The following CHRNA4 variants were observed in gnomAD, a reference collection of about 807,000 sequenced individuals.
CHRNA4 encodes neuronal acetylcholine receptor subunit alpha-4.
CHRNA4 carries 28 observed loss-of-function variants against 48.9 expected under a neutral mutation model. The ratio of observed to expected loss-of-function variants is 0.57; its 90% CI spans 0.42 to 0.79. The LOEUF is 0.79. Among genes scored for constraint, CHRNA4 ranks in the 30% least tolerant of loss-of-function variants. The pLI is 0.00. For synonymous variants in CHRNA4, 425 were observed against 402.3 expected, an observed-to-expected ratio of 1.06 and a Z score of -0.68; for missense variants, 859 against 898.4, an observed-to-expected ratio of 0.96 and a Z score of 0.56.
rs1047761205 is a variant in CHRNA4 at position 63,343,311 on chromosome 20, C to T, written c.*3427G>A. 1.3e-5 allele frequency: 6 copies of T among 446,574 alleles called. No individual in the cohort carries two copies. The highest frequency in any genetic ancestry group is 7.0e-4 in the Middle Eastern group (1 of 1,426). 27.7% of individuals were successfully genotyped at this position (446,574 alleles called of 1,614,324 possible). On this transcript the variant is annotated 3_prime_UTR_variant, in exon 6 of 6. Coordinates refer to ENST00000370263, the MANE Select transcript of CHRNA4 (RefSeq NM_000744.7). Reference sequence around the variant, plus strand: ...GCAGACATTGCCTGCAGAAGCCGGGCGGCCGCACCTGGGCTCGGCGGGCCA... The same window carrying T: ...GCAGACATTGCCTGCAGAAGCCGGGTGGCCGCACCTGGGCTCGGCGGGCCA...
rs200975456 is a variant in CHRNA4 at position 63,344,984 on chromosome 20, C to G, written c.*1754G>C. On this transcript the variant is annotated 3_prime_UTR_variant, in exon 6 of 6. Transcript: ENST00000370263. The surrounding 1 kb of genome is among the most constrained non-coding windows in gnomAD (Gnocchi z 4.5). ...CCCACTCCTGGCACAAAAGCCCCAG[C>G]CTCAGGACCCCGGTCACAGGCACCC... 1 of 429,936 alleles carries G rather than the reference C, an allele frequency of 2.3e-6. No homozygotes were observed. The highest frequency in any genetic ancestry group is 2.4e-5 in the Admixed American group (1 of 41,442). The allele number at this position is 429,936 out of a possible 1,614,324, so 26.6% of individuals were successfully genotyped here. A position where few individuals can be genotyped will look rare whatever the true frequency, so the allele number is the denominator to read the frequency against.
intron 2 of CHRNA4, among the ~76,000 whole-genome samples, chr20:63,358,436 C>T (rs533767879): frequency 3.3e-5 from 5 of 152,338 alleles, no homozygotes; most frequent in South Asian, 4.1e-4. Flanking sequence ...TCCCGCAACC[C>T]GGTGGCTCCT....
rs865809841 is a variant in CHRNA4 at position 63,347,657 on chromosome 20, T to A, written c.1759-794A>T. 7.2e-5 allele frequency among the ~76,000 whole-genome samples: 11 copies of A among 152,314 alleles called. No homozygotes were observed. In the South Asian group the frequency reaches 1.9e-3, roughly 26 times the overall value. On this transcript the variant is annotated intron_variant, in intron 5 of 5. Transcript: ENST00000370263. ...CCAAGGCACTCATGCCGCTGGCCAC[T>A]GCCCTCGCCCCGGCTCCCCCGTCCC...
Position 63,346,842 on chromosome 20 carries a change from C to A in CHRNA4, c.1780G>T (p.Val594Leu), listed in dbSNP as rs370887602. Residue 594 changes from valine to leucine, a missense_variant, in exon 6 of 6, where the codon GTG becomes TTG. Physicochemically the swap from Val to Leu is conservative, Grantham distance 32 (BLOSUM62 1). Around this residue, in one of 3 missense-constraint regions of CHRNA4, gnomAD observed 478 missense variants for 455.4 expected, o/e 1.05. Transcript: ENST00000370263. Reference protein sequence around the residue: ...DFSVKEDWKYVAMVIDRIFLW... With the variant: ...DFSVKEDWKYLAMVIDRIFLW... Reference sequence around the variant, plus strand: ...AAGATGCGGTCGATGACCATGGCCACGTACTTCCAGTCCTCCTTCACCTGC... The same window carrying A: ...AAGATGCGGTCGATGACCATGGCCAAGTACTTCCAGTCCTCCTTCACCTGC... 1.2e-6 allele frequency: 2 copies of A among 1,612,606 alleles called. No individual in the cohort carries two copies. Among genetic ancestry groups the A allele is most frequent in the African/African-American group, 2.7e-5 (2 of 75,030 alleles).
In CHRNA4 at chr20:63,350,570, C is replaced by T. The variant is rs764238999; in HGVS notation, c.841G>A (p.Val281Met). 9 of 1,613,740 alleles carry T rather than the reference C, an allele frequency of 5.6e-6. No homozygotes were observed. Among genetic ancestry groups the T allele is most frequent in the South Asian group, 2.2e-5 (2 of 91,062 alleles). Reference protein sequence around the residue: ...CGEKITLCISVLLSLTVFLLL... With the variant: ...CGEKITLCISMLLSLTVFLLL... ...AGGAAGACGGTGAGCGACAGCAGCA[C>T]GGAGATGCACAGCGTGATCTTCTCG... The change falls in exon 5 of 6, where the codon GTG (valine) becomes ATG (methionine). Residue 281 changes from valine to methionine, a missense_variant. By Grantham distance (21) the Val-to-Met change is conservative. Around this residue, in one of 3 missense-constraint regions of CHRNA4, gnomAD observed 39 missense variants for 77.7 expected, o/e 0.50. Transcript: ENST00000370263.
chr20:63,353,858 G>A (rs1601485189), intron 4 of CHRNA4, among the ~76,000 whole-genome samples: 1 of 92,716 alleles, frequency 1.1e-5, no homozygotes, highest in Non-Finnish European at 2.1e-5. Flanking sequence ...CCTCGGGGGG[G>A]CTGTGGTTCT....
At chr20:63,348,423 A>G (rs937921300) in intron 5 of CHRNA4, among the ~76,000 whole-genome samples, 2 of 152,226 alleles carry the variant, frequency 1.3e-5, no homozygotes, top group African/African-American at 4.8e-5. Context: ...CTTGGGATTC[A>G]GTGGGGTGGC....
intron 5 of CHRNA4, among the ~76,000 whole-genome samples, chr20:63,348,050 C>G (rs1434870708): frequency 6.6e-6 from 1 of 152,228 alleles, no homozygotes; most frequent in Non-Finnish European, 1.5e-5. Context: ...CTGTGTGCCG[C>G]GTTCCATCCA....
chr20:63,347,747 C>T (rs548021595), intron 5 of CHRNA4, among the ~76,000 whole-genome samples: 3 of 152,306 alleles, frequency 2.0e-5, no homozygotes, highest in South Asian at 2.1e-4. Flanking sequence ...CCTCTGGGCC[C>T]GGCCGTGAGG....
chr20:63,355,850 G>C, intron 4 of CHRNA4, 125 bp downstream of exon 4: 27 of 1,320,000 alleles, frequency 2.0e-5, no homozygotes, highest in Non-Finnish European at 2.8e-5. Flanking sequence ...CATGCATGGG[G>C]CTGGCATAGG....
rs763902315 is a variant in CHRNA4, at chr20:63,351,185, GT to G, written c.384-159del. The G allele has an allele frequency of 0.13, 59,096 of 447,898 alleles. 8,606 individuals carry two copies. Among genetic ancestry groups the G allele is most frequent in the African/African-American group, 0.26 (7,173 of 27,290 alleles). 27.7% of individuals were successfully genotyped at this position (447,898 alleles called of 1,614,324 possible). A position where few individuals can be genotyped will look rare whatever the true frequency, so the allele number is the denominator to read the frequency against. Reference sequence around the variant, plus strand: ...CATCCACGTCCACGCCCACATCCATGTCCCACGCCCACATCCACACCCACGT... The same window carrying G: ...CATCCACGTCCACGCCCACATCCATGCCCACGCCCACATCCACACCCACGT... On this transcript the variant is annotated intron_variant, in intron 4 of 5. Transcript: ENST00000370263.
intron 4 of CHRNA4, among the ~76,000 whole-genome samples, chr20:63,353,413 G>A (rs1009021673): frequency 1.2e-4 from 18 of 148,422 alleles, no homozygotes; most frequent in Non-Finnish European, 2.2e-4. Flanking sequence ...AGAACATGGG[G>A]TGGCAGCAAT....
At chr20:63,354,744 T>C (rs889844023) in intron 4 of CHRNA4, 5 of 643,298 alleles carry the variant, frequency 7.8e-6, no homozygotes, top group Admixed American at 6.3e-5. Context: ...CCTGGGCGTT[T>C]CCACTTCTCC....
chr20:63,359,878 T>C, intron 1 of CHRNA4, 179 bp from the exon 2 acceptor site: 1 of 599,026 alleles, frequency 1.7e-6, no homozygotes, highest in Non-Finnish European at 2.8e-6. Context: ...TCTGTGTGTG[T>C]GTGTGTGCCG....
In CHRNA4 at chr20:63,346,751, G is replaced by A. The variant is rs1568805168; in HGVS notation, c.1871C>T (p.Ala624Val). 1 of 1,610,156 alleles carries A rather than the reference G, an allele frequency of 6.2e-7. No homozygotes were observed. Among genetic ancestry groups the A allele is most frequent in the Non-Finnish European group, 8.5e-7 (1 of 1,179,510 alleles). ...TVGLFLPPWL[A>V]GMI The stretch of plus-strand genomic sequence containing the variant: ...CCCGGTCCCTTCCTAGATCATGCCA[G>A]CCAGCCAGGGCGGCAGGAAGAGGCC... Residue 624 changes from alanine (A) to valine (V), a missense_variant, in exon 6 of 6, where the codon GCT becomes GTT. Ala to Val is a moderately conservative substitution (Grantham distance 64). Around this residue, in one of 3 missense-constraint regions of CHRNA4, gnomAD observed 478 missense variants for 455.4 expected, o/e 1.05. Coordinates refer to ENST00000370263, the MANE Select transcript of CHRNA4 (RefSeq NM_000744.7).
chr20:63,361,343 T>C lies in CHRNA4; in HGVS notation c.-178A>G. ...GGCGGCGCGGCAGGGAGCGCCGGGC[T>C]GTGGGCTCCGTGGCGCGGCCCCGCC... On this transcript the variant is annotated 5_prime_UTR_variant, in exon 1 of 6. Transcript: ENST00000370263. 5.0e-6 allele frequency: 5 copies of C among 1,009,620 alleles called. No individual in the cohort carries two copies. The highest frequency in any genetic ancestry group is 4.6e-6 in the Non-Finnish European group (4 of 869,682). 62.5% of individuals were successfully genotyped at this position (1,009,620 alleles called of 1,614,324 possible).
intron 4 of CHRNA4, chr20:63,355,355 T>C: frequency 2.2e-6 from 1 of 452,940 alleles, no homozygotes; most frequent in Non-Finnish European, 3.8e-6. Flanking sequence ...CTTGGCCTCC[T>C]AGGAGCCTGA....
intron 5 of CHRNA4, among the ~76,000 whole-genome samples, chr20:63,348,242 T>C (rs1297203022): frequency 6.6e-6 from 1 of 152,202 alleles, no homozygotes; most frequent in Non-Finnish European, 1.5e-5. Context: ...CACTGCCAGC[T>C]TCAGGACCGC....
intron 5 of CHRNA4, among the ~76,000 whole-genome samples, chr20:63,347,377 G>A (rs971158782): frequency 6.6e-6 from 1 of 152,228 alleles, no homozygotes. Context: ...GCCATCTGCA[G>A]TCTCTCACTC....
Sources: allele counts gnomAD v4.1 joint callset (sites outside exome capture counted in the v4.1 genomes callset), GRCh38; gene constraint gnomAD v4.1.1; regional missense constraint gnomAD v4.1.1; non-coding constraint Gnocchi (gnomAD v3.1); transcripts MANE v1.5; gene names NCBI Gene and HGNC (gene_info 2026-07-23, HGNC 2026-07-21).